The following ATG10 variants were observed in gnomAD, a reference collection of about 807,000 sequenced individuals.
ATG10 encodes the protein ubiquitin-like-conjugating enzyme ATG10.
ATG10 carries 30 observed loss-of-function variants against 32.1 expected under a neutral mutation model. The observed-to-expected ratio is 0.94, with a 90% CI of 0.70 to 1.27. The LOEUF (loss-of-function observed/expected upper bound fraction) is 1.27. ATG10 is among the 50% of genes most tolerant of loss of function. The pLI is 0.00. For missense variants in ATG10, 233 were observed against 262.3 expected, an observed-to-expected ratio of 0.89 and a Z score of 0.77; for synonymous variants, 87 against 91.5, an observed-to-expected ratio of 0.95 and a Z score of 0.28.
At chr5:82,056,052 C>G (rs530338957) in intron 2 of ATG10, among the ~76,000 whole-genome samples, 3 of 152,128 alleles carry the variant, frequency 2.0e-5, no homozygotes, top group Non-Finnish European at 4.4e-5. Flanking sequence ...AGCCCAATGA[C>G]GTGTTTCTCA....
At chr5:82,253,116 C>T (rs1747329387) in intron 6 of ATG10, among the ~76,000 whole-genome samples, 198 bp from the exon 7 acceptor site, 1 of 152,204 alleles carries the variant, frequency 6.6e-6, no homozygotes, top group African/African-American at 2.4e-5. Flanking sequence ...ATGAGGGATC[C>T]TTACAGGCTC....
intron 2 of ATG10, among the ~76,000 whole-genome samples, chr5:82,051,327 A>T (rs1028142106): frequency 6.6e-6 from 1 of 152,156 alleles, no homozygotes; most frequent in Non-Finnish European, 1.5e-5. Flanking sequence ...CTTAAGTGGA[A>T]TTTAGTATCT....
intron 5 of ATG10, among the ~76,000 whole-genome samples, chr5:82,217,996 A>ACAAAT (rs1441445557): frequency 6.6e-6 from 1 of 150,772 alleles, no homozygotes; most frequent in Non-Finnish European, 1.5e-5. Context: ...ACAAAACAAA[A>ACAAAT]CCAAACAAAA....
intron 1 of ATG10, among the ~76,000 whole-genome samples, chr5:81,975,650 C>T (rs1270872263): frequency 6.6e-6 from 1 of 151,928 alleles, no homozygotes; most frequent in Non-Finnish European, 1.5e-5. Context: ...TCACTGCCCT[C>T]CAACCTGGGT....
chr5:82,172,710 G>C (rs10061458), intron 4 of ATG10, among the ~76,000 whole-genome samples: 81,102 of 151,954 alleles, frequency 0.53, 23,322 homozygotes, highest in East Asian at 0.9. Context: ...GAACCATATA[G>C]GTTAAATTAA....
intron 5 of ATG10, among the ~76,000 whole-genome samples, chr5:82,238,322 G>A (rs1014035884): frequency 3.9e-5 from 6 of 152,084 alleles, no homozygotes; most frequent in Non-Finnish European, 1.5e-5. Flanking sequence ...TTTCCTGGTC[G>A]CAGTCCTATT....
intron 3 of ATG10, among the ~76,000 whole-genome samples, chr5:82,163,978 A>G (rs1743472149): frequency 6.6e-6 from 1 of 152,212 alleles, no homozygotes; most frequent in African/African-American, 2.4e-5. Context: ...ATCTTTTGGC[A>G]AGTACAATAG....
intron 2 of ATG10, among the ~76,000 whole-genome samples, chr5:81,995,441 C>T (rs920004858): frequency 1.3e-5 from 2 of 152,106 alleles, no homozygotes; most frequent in Non-Finnish European, 2.9e-5. Context: ...CCATGCCCAG[C>T]CTGAGTTTTT....
intron 4 of ATG10, among the ~76,000 whole-genome samples, chr5:82,177,047 A>G (rs1045510442): frequency 6.6e-6 from 1 of 152,202 alleles, no homozygotes; most frequent in East Asian, 1.9e-4. Context: ...CTAAGAAATA[A>G]CAGTCTAGAA....
chr5:81,998,530 A>G (rs2149680858), intron 2 of ATG10, among the ~76,000 whole-genome samples: 1 of 152,346 alleles, frequency 6.6e-6, no homozygotes, highest in East Asian at 1.9e-4. Context: ...TCAAATCCAC[A>G]TATATCAATA....
chr5:82,080,044 T>A (rs1764418985), intron 3 of ATG10, among the ~76,000 whole-genome samples: 2 of 152,220 alleles, frequency 1.3e-5, no homozygotes, highest in South Asian at 4.1e-4. Context: ...CCTGACTTTT[T>A]AATGATTACC....
At chr5:82,076,138 A>AT (rs1764267437) in intron 3 of ATG10, among the ~76,000 whole-genome samples, 1 of 152,018 alleles carries the variant, frequency 6.6e-6, no homozygotes, top group African/African-American at 2.4e-5. Context: ...TTCCTTACTG[A>AT]TTCCTTCAAC....
chr5:82,207,055 G>A (rs1445282115), intron 5 of ATG10, among the ~76,000 whole-genome samples: 1 of 152,050 alleles, frequency 6.6e-6, no homozygotes, highest in Non-Finnish European at 1.5e-5. Flanking sequence ...ATCACAATTT[G>A]TCTTTCTACT....
At position 82,162,779 on chromosome 5, in the gene ATG10, G is replaced by A. The variant is rs141362565; in HGVS notation, c.217-1620G>A. On this transcript the variant is annotated intron_variant, in intron 3 of 7. Coordinates refer to ENST00000282185, the MANE Select transcript of ATG10 (RefSeq NM_031482.5). The stretch of plus-strand genomic sequence containing the variant: ...TGGCAGCACGTGGCAGGATGCCCAC[G>A]AGTGAAAATATCCACTCTAGGAGCA... 1.1e-4 allele frequency among the ~76,000 whole-genome samples: 15 copies of A among 133,938 alleles called. No homozygotes were observed. The East Asian group carries it at 3.1e-3, about 27-fold the overall frequency. 87.9% of individuals were successfully genotyped at this position (133,938 alleles called of 152,430 possible).
intron 3 of ATG10, among the ~76,000 whole-genome samples, chr5:82,156,889 C>CT (rs1442521431): frequency 2.0e-5 from 3 of 152,214 alleles, no homozygotes; most frequent in African/African-American, 4.8e-5. Context: ...AGCATGGACT[C>CT]TAAGAGATAG....
chr5:82,245,528 T>G (rs1318394056), intron 5 of ATG10, among the ~76,000 whole-genome samples: 1 of 152,122 alleles, frequency 6.6e-6, no homozygotes, highest in African/African-American at 2.4e-5. Flanking sequence ...TTCTGTGGCA[T>G]TAAGATCTCC....
At chr5:82,172,128 A>G (rs1453829650) in intron 4 of ATG10, among the ~76,000 whole-genome samples, 2 of 152,184 alleles carry the variant, frequency 1.3e-5, no homozygotes, top group African/African-American at 4.8e-5. Flanking sequence ...TGGGAAGAAA[A>G]TCATGAAAGG....
chr5:82,163,767 ACT>A, intron 3 of ATG10, among the ~76,000 whole-genome samples: 2 of 152,164 alleles, frequency 1.3e-5, no homozygotes, highest in East Asian at 3.9e-4. Flanking sequence ...TGCTTACAAA[ACT>A]CTGTTCAAGT....
intron 3 of ATG10, among the ~76,000 whole-genome samples, chr5:82,082,035 C>T (rs1764499862): frequency 6.6e-6 from 1 of 152,096 alleles, no homozygotes; most frequent in Non-Finnish European, 1.5e-5. Context: ...TCATGAGACT[C>T]TTTCATTATC....
Sources: allele counts gnomAD v4.1 joint callset (sites outside exome capture counted in the v4.1 genomes callset), GRCh38; gene constraint gnomAD v4.1.1; transcripts MANE v1.5; gene names NCBI Gene and HGNC (gene_info 2026-07-23, HGNC 2026-07-21).